The following LPP variants were observed in gnomAD, a reference collection of about 807,000 sequenced individuals.
LPP encodes lipoma-preferred partner.
In LPP, 38 loss-of-function variants were observed where a neutral mutation model predicts 60.4. The observed-to-expected ratio is 0.63, with a 90% CI of 0.49 to 0.83. LPP has a LOEUF of 0.83. Among genes scored for constraint, LPP ranks in the 40% least tolerant of loss-of-function variants. The pLI is 0.00. For synonymous variants in LPP, 328 were observed against 290.8 expected, an observed-to-expected ratio of 1.13 and a Z score of -1.30; for missense variants, 902 against 783.6, an observed-to-expected ratio of 1.15 and a Z score of -1.80.
chr3:188,244,628 C>T (rs1162132565), intron 2 of LPP, among the ~76,000 whole-genome samples: 1 of 152,180 alleles, frequency 6.6e-6, no homozygotes, highest in Non-Finnish European at 1.5e-5. Context: ...CTATTAGACG[C>T]TTTATTCATT....
intron 9 of LPP, among the ~76,000 whole-genome samples, chr3:188,773,737 A>T (rs1393851172): frequency 1.3e-5 from 2 of 152,194 alleles, no homozygotes; most frequent in Non-Finnish European, 2.9e-5. Context: ...TAAGCAAATA[A>T]TCTGAATAAA....
intron 6 of LPP, among the ~76,000 whole-genome samples, chr3:188,581,467 T>C (rs1836089389): frequency 6.6e-6 from 1 of 152,288 alleles, no homozygotes; most frequent in Admixed American, 6.5e-5. Flanking sequence ...GTACTGTTTA[T>C]ATTCTGCTTG....
At chr3:188,303,533 C>G (rs1391480767) in intron 2 of LPP, among the ~76,000 whole-genome samples, 1 of 152,128 alleles carries the variant, frequency 6.6e-6, no homozygotes, top group Non-Finnish European at 1.5e-5. Flanking sequence ...AAGGTACTTT[C>G]CTGGAAGAGA....
chr3:188,606,606 A>G (rs1842427339), intron 6 of LPP, among the ~76,000 whole-genome samples: 1 of 152,130 alleles, frequency 6.6e-6, no homozygotes, highest in South Asian at 2.1e-4. Context: ...GGTGGTCCCA[A>G]TAGTACTAAA....
intron 5 of LPP, among the ~76,000 whole-genome samples, chr3:188,499,383 T>C (rs1162255891): frequency 6.6e-6 from 1 of 152,230 alleles, no homozygotes; most frequent in Non-Finnish European, 1.5e-5. Flanking sequence ...TTGAAAAGAC[T>C]GTCCTTCCTG....
intron 6 of LPP, among the ~76,000 whole-genome samples, chr3:188,603,615 A>G (rs2151259624): frequency 6.6e-6 from 1 of 152,230 alleles, no homozygotes; most frequent in East Asian, 1.9e-4. Context: ...TGCACCAGGT[A>G]ATTTCTATAT....
rs117866016 is a variant in LPP, at chr3:188,724,125, T to A, written c.1240+15732T>A. Among the ~76,000 whole-genome samples, 8 of 152,340 alleles carry A rather than the reference T, an allele frequency of 5.3e-5. No individual in the cohort carries two copies. The East Asian group carries it at 1.5e-3, about 29-fold the overall frequency. On this transcript the variant is annotated intron_variant, in intron 8 of 11. Transcript: ENST00000617246. ...CTGACTATTTAGTATGAGTTCTACA[T>A]GCATTACTTATATCTGGACTATAAC...
At chr3:188,768,285 C>CCA (rs1734781302) in intron 9 of LPP, among the ~76,000 whole-genome samples, 1 of 152,108 alleles carries the variant, frequency 6.6e-6, no homozygotes, top group Non-Finnish European at 1.5e-5. Context: ...GAGATGCTTA[C>CCA]CAAATCATTT....
chr3:188,413,415 T>A (rs563442895), intron 4 of LPP, among the ~76,000 whole-genome samples: 20 of 152,280 alleles, frequency 1.3e-4, no homozygotes, highest in Admixed American at 1.2e-3. Context: ...AGTTGTAACA[T>A]CTTGGACGTT....
intron 4 of LPP, among the ~76,000 whole-genome samples, chr3:188,472,308 C>G (rs1390841203): frequency 6.6e-6 from 1 of 151,826 alleles, no homozygotes; most frequent in Non-Finnish European, 1.5e-5. Context: ...AATATAAATC[C>G]ATGAAAGCAA....
Position 188,610,266 on chromosome 3 carries a change from G to C in LPP, c.1113+422G>C, listed in dbSNP as rs1843413192. ...CTGTAGTATCTCAAGCCTCAGCAAGGGTAGTGATCTATGGGTGAGACATGT... is the reference window on the plus strand; with the variant it reads ...CTGTAGTATCTCAAGCCTCAGCAAGCGTAGTGATCTATGGGTGAGACATGT... On this transcript the variant is annotated intron_variant, in intron 7 of 11. Coordinates refer to ENST00000617246, the MANE Select transcript of LPP (RefSeq NM_001375462.1). The surrounding 1 kb of genome is among the most constrained non-coding windows in gnomAD (Gnocchi z 4.4). Among the ~76,000 whole-genome samples the C allele has an allele frequency of 6.6e-6, 1 of 152,176 alleles. No homozygotes were observed. The highest frequency in any genetic ancestry group is 1.5e-5 in the Non-Finnish European group (1 of 68,038).
At chr3:188,820,558 A>G (rs1753698784) in intron 9 of LPP, among the ~76,000 whole-genome samples, 1 of 152,168 alleles carries the variant, frequency 6.6e-6, no homozygotes, top group African/African-American at 2.4e-5. Context: ...GTGAATTCCT[A>G]CATTCTGTGT....
intron 8 of LPP, among the ~76,000 whole-genome samples, chr3:188,735,937 T>G (rs1722335292): frequency 3.3e-5 from 5 of 152,116 alleles, no homozygotes; most frequent in Admixed American, 3.3e-4. Context: ...AGGAACTGAA[T>G]GGAGGGAGTG....
At chr3:188,754,233 T>C (rs1729402701) in intron 8 of LPP, among the ~76,000 whole-genome samples, 1 of 152,206 alleles carries the variant, frequency 6.6e-6, no homozygotes, top group South Asian at 2.1e-4. Flanking sequence ...GTAAACCACT[T>C]TCTCTGGCTC....
At chr3:188,254,255 C>T (rs951281086) in intron 2 of LPP, among the ~76,000 whole-genome samples, 2 of 152,154 alleles carry the variant, frequency 1.3e-5, no homozygotes, top group African/African-American at 2.4e-5. Flanking sequence ...AGGAAAAACT[C>T]AGTAAGATTT....
intron 2 of LPP, among the ~76,000 whole-genome samples, chr3:188,229,594 T>C (rs899189322): frequency 9.2e-5 from 14 of 152,236 alleles, no homozygotes; most frequent in African/African-American, 3.4e-4. Flanking sequence ...AGAGGATTTG[T>C]CGGGTCTGAG....
At chr3:188,670,321 C>T (rs1425163812) in intron 7 of LPP, among the ~76,000 whole-genome samples, 4 of 151,842 alleles carry the variant, frequency 2.6e-5, no homozygotes, top group African/African-American at 7.3e-5. Flanking sequence ...GAAGACATGC[C>T]CTGAATCTTC....
intron 2 of LPP, among the ~76,000 whole-genome samples, chr3:188,298,930 C>T (rs1402080660): frequency 6.6e-6 from 1 of 152,190 alleles, no homozygotes; most frequent in Non-Finnish European, 1.5e-5. Flanking sequence ...CCATCTTATT[C>T]TATAGGCTTC....
chr3:188,374,265 G>A (rs556316963), intron 3 of LPP, among the ~76,000 whole-genome samples: 2 of 152,232 alleles, frequency 1.3e-5, no homozygotes, highest in East Asian at 1.9e-4. Flanking sequence ...GTAGCTTGAT[G>A]GGGATGGCAT....
Sources: gnomAD v4.1 joint callset for allele counts (sites outside exome capture counted in the v4.1 genomes callset) on GRCh38, gnomAD v4.1.1 for gene constraint, Gnocchi (gnomAD v3.1) non-coding constraint, MANE v1.5 for transcripts, NCBI Gene and HGNC (gene_info 2026-07-23, HGNC 2026-07-21) for gene names.